The following STXBP6 variants were observed in gnomAD, a reference collection of about 807,000 sequenced individuals.
The protein encoded by STXBP6 is syntaxin binding protein 6.
A neutral mutation model predicts 26.9 loss-of-function variants in STXBP6; 21 were observed. The observed-to-expected ratio is 0.78, with a 90% CI of 0.55 to 1.12. STXBP6 has a LOEUF of 1.12. Among genes scored for constraint, STXBP6 ranks in the 50% most tolerant of loss-of-function variants. The pLI is 0.00. For missense variants in STXBP6, 232 were observed against 257.9 expected, an observed-to-expected ratio of 0.90 and a Z score of 0.69; for synonymous variants, 97 against 92.6, an observed-to-expected ratio of 1.05 and a Z score of -0.27.
chr14:24,882,251 C>A (rs1462252603), intron 2 of STXBP6, among the ~76,000 whole-genome samples: 1 of 148,154 alleles, frequency 6.7e-6, no homozygotes, highest in Non-Finnish European at 1.5e-5. Context: ...TAGTGGCGGG[C>A]GCCTGTAGTC....
intron 2 of STXBP6, chr14:24,878,717 G>A (rs907480605): frequency 4.8e-6 from 2 of 415,176 alleles, no homozygotes; most frequent in Non-Finnish European, 9.8e-6. Flanking sequence ...TAGCAGACAC[G>A]CTGGGATGTT....
chr14:24,974,154 G>A (rs921090132), intron 2 of STXBP6, among the ~76,000 whole-genome samples: 1 of 151,436 alleles, frequency 6.6e-6, no homozygotes, highest in Non-Finnish European at 1.5e-5. Flanking sequence ...GCCTCTTCTT[G>A]ACAAGGCAAT....
intron 1 of STXBP6, among the ~76,000 whole-genome samples, chr14:25,016,361 A>C (rs549872999): frequency 2.8e-4 from 43 of 152,132 alleles, no homozygotes; most frequent in Non-Finnish European, 5.3e-4. Flanking sequence ...CTTCCTCTTT[A>C]CTTTGTGCTA....
At chr14:24,954,755 C>A (rs1946055962) in intron 2 of STXBP6, among the ~76,000 whole-genome samples, 1 of 152,168 alleles carries the variant, frequency 6.6e-6, no homozygotes, top group African/African-American at 2.4e-5. Context: ...CCAAAATTAG[C>A]AACAGTCCCC....
At chr14:25,016,084 G>A (rs1474496577) in intron 1 of STXBP6, among the ~76,000 whole-genome samples, 1 of 152,138 alleles carries the variant, frequency 6.6e-6, no homozygotes, top group South Asian at 2.1e-4. Context: ...TGTAATAGTT[G>A]AGATGAGAAA....
At chr14:24,848,321 GT>G (rs2069032947) in intron 4 of STXBP6, among the ~76,000 whole-genome samples, 1 of 152,076 alleles carries the variant, frequency 6.6e-6, no homozygotes. Flanking sequence ...CTCAGATGAA[GT>G]TACACAGCTA....
At chr14:24,903,788 A>G (rs1032740611) in intron 2 of STXBP6, among the ~76,000 whole-genome samples, 1 of 152,204 alleles carries the variant, frequency 6.6e-6, no homozygotes, top group African/African-American at 2.4e-5. Context: ...ACCTGTACAA[A>G]TTACATAACA....
chr14:24,857,244 T>C (rs1328584945), intron 2 of STXBP6, 87 bp from the exon 3 acceptor site: 17 of 1,550,896 alleles, frequency 1.1e-5, no homozygotes, highest in Non-Finnish European at 1.5e-5. Context: ...GGACACCTAC[T>C]GTGTATATGC....
chr14:24,891,304 G>C (rs1038119574), intron 2 of STXBP6, among the ~76,000 whole-genome samples: 5 of 152,102 alleles, frequency 3.3e-5, no homozygotes, highest in African/African-American at 9.7e-5. Flanking sequence ...AGTATATTGG[G>C]GGCTTGAGTC....
At chr14:25,021,883 C>T (rs73595342) in intron 1 of STXBP6, among the ~76,000 whole-genome samples, 5,036 of 152,230 alleles carry the variant, frequency 0.033, 270 homozygotes, top group African/African-American at 0.11. Flanking sequence ...CCTCTCAACG[C>T]TATTATACAA....
At chr14:24,933,864 A>G (rs887028088) in intron 2 of STXBP6, among the ~76,000 whole-genome samples, 2 of 152,228 alleles carry the variant, frequency 1.3e-5, no homozygotes, top group African/African-American at 4.8e-5. Context: ...AGTCCAGTTA[A>G]AAGAAAACTT....
intron 1 of STXBP6, among the ~76,000 whole-genome samples, chr14:24,982,446 A>G (rs61978835): frequency 0.12 from 18,313 of 152,216 alleles, 1,247 homozygotes; most frequent in African/African-American, 0.19. Context: ...GCTACGCGTT[A>G]GCCTGCGCTT....
chr14:24,840,653 C>T (rs1268296498), intron 4 of STXBP6, among the ~76,000 whole-genome samples: 1 of 152,170 alleles, frequency 6.6e-6, no homozygotes, highest in Non-Finnish European at 1.5e-5. Context: ...CTACCTTCAC[C>T]TTTACTGCAT....
At chr14:24,973,491 T>C (rs2073962304) in intron 2 of STXBP6, among the ~76,000 whole-genome samples, 1 of 149,316 alleles carries the variant, frequency 6.7e-6, no homozygotes, top group African/African-American at 2.5e-5. Context: ...GTTCAAGCAA[T>C]TCTCCTGTCT....
chr14:24,913,123 A>C (rs1398061438), intron 2 of STXBP6, among the ~76,000 whole-genome samples: 2 of 152,182 alleles, frequency 1.3e-5, no homozygotes, highest in Non-Finnish European at 2.9e-5. Context: ...ATTATCTTAA[A>C]GGATGCTGAA....
chr14:24,990,603 A>G (rs771312341), intron 1 of STXBP6, among the ~76,000 whole-genome samples: 1 of 145,626 alleles, frequency 6.9e-6, no homozygotes, highest in Admixed American at 7.0e-5. Context: ...GGTTGCAGTG[A>G]GTCGAGATCA....
intron 2 of STXBP6, among the ~76,000 whole-genome samples, chr14:24,953,898 A>G (rs12100590): frequency 0.038 from 5,797 of 152,314 alleles, 339 homozygotes; most frequent in African/African-American, 0.12. Flanking sequence ...CACGGAGTGC[A>G]TAAGAAACAT....
chr14:24,990,902 G>A (rs546142359), intron 1 of STXBP6, among the ~76,000 whole-genome samples: 4 of 151,832 alleles, frequency 2.6e-5, no homozygotes, highest in African/African-American at 7.2e-5. Context: ...GACAGGGAGA[G>A]GGAAGGGAGG....
intron 1 of STXBP6, among the ~76,000 whole-genome samples, chr14:24,983,077 A>G (rs146633259): frequency 1.3e-5 from 2 of 152,330 alleles, no homozygotes; most frequent in African/African-American, 2.4e-5. Context: ...CCCTTTCTAC[A>G]GTAATGGGTA....
Sources: allele counts gnomAD v4.1 joint callset (sites outside exome capture counted in the v4.1 genomes callset), GRCh38; gene constraint gnomAD v4.1.1; transcripts MANE v1.5; gene names NCBI Gene and HGNC (gene_info 2026-07-23, HGNC 2026-07-21).